The following ANKRD28 variants were observed in gnomAD, a reference collection of about 807,000 sequenced individuals.
ANKRD28 encodes the protein ankyrin repeat domain 28.
Under a neutral mutation model 126.5 loss-of-function variants are expected in ANKRD28, and 44 were observed. The ratio of observed to expected loss-of-function variants is 0.35; its 90% CI spans 0.27 to 0.45. The LOEUF is 0.45. Among genes scored for constraint, ANKRD28 ranks in the 20% least tolerant of loss-of-function variants. The pLI, the probability that ANKRD28 is intolerant of heterozygous loss-of-function variation, is 1.00. For missense variants in ANKRD28, 1,110 were observed against 1,316.6 expected (o/e 0.84, Z 2.43); for synonymous variants, 442 against 468.5 (o/e 0.94, Z 0.73).
chr3:15,831,208 C>T (rs1335075035), intron 1 of ANKRD28, among the ~76,000 whole-genome samples: 1 of 152,138 alleles, frequency 6.6e-6, no homozygotes, highest in Admixed American at 6.5e-5. Context: ...CACAATCTCC[C>T]ACAAACTAAA....
In ANKRD28 at chr3:15,855,251, G is replaced by A. The variant is rs142366499; in HGVS notation, c.27+4126C>T. Reference sequence around the variant, plus strand: ...TCTTAGTGTGTACTTGATCAAATAAGAACTTATTAACTATCCAAAATAGTG... The same window carrying A: ...TCTTAGTGTGTACTTGATCAAATAAAAACTTATTAACTATCCAAAATAGTG... On this transcript the variant is annotated intron_variant, in intron 1 of 27. Coordinates refer to the ANKRD28 transcript ENST00000399451. Among the ~76,000 whole-genome samples the A allele has an allele frequency of 4.4e-3, 672 of 151,806 alleles. 3 individuals carry two copies. The highest frequency in any genetic ancestry group is 0.017 in the Middle Eastern group (5 of 294).
intron 27 of ANKRD28, among the ~76,000 whole-genome samples, chr3:15,671,144 A>C (rs1295909649): frequency 6.6e-6 from 1 of 152,208 alleles, no homozygotes; most frequent in Admixed American, 6.5e-5. Flanking sequence ...CAGTAGACAA[A>C]CTAAGCAGAT....
chr3:15,811,261 C>T (rs943491122), intron 1 of ANKRD28, among the ~76,000 whole-genome samples: 6 of 152,024 alleles, frequency 3.9e-5, no homozygotes, highest in African/African-American at 1.4e-4. Flanking sequence ...ATTAAGATCT[C>T]CATAATCTGT....
At chr3:15,723,796 C>A (rs1480432700) in intron 7 of ANKRD28, among the ~76,000 whole-genome samples, 1 of 151,972 alleles carries the variant, frequency 6.6e-6, no homozygotes, top group Non-Finnish European at 1.5e-5. Flanking sequence ...AATAAATAAA[C>A]AAGGGAGTAA....
chr3:15,806,182 G>A (rs1402002680), intron 1 of ANKRD28, among the ~76,000 whole-genome samples: 1 of 152,124 alleles, frequency 6.6e-6, no homozygotes, highest in Non-Finnish European at 1.5e-5. Context: ...TCACGCCTTC[G>A]ATAAACTTTT....
rs2057343766 is a variant in ANKRD28 at position 15,744,493 on chromosome 3, T to G, written c.351+7257A>C. Among the ~76,000 whole-genome samples, 5 of 143,238 alleles carry G rather than the reference T, an allele frequency of 3.5e-5. No homozygotes were observed. The South Asian group carries it at 1.1e-3, about 32-fold the overall frequency. The allele number at this position is 143,238 out of a possible 152,430, so 94.0% of individuals were successfully genotyped here. A position where few individuals can be genotyped will look rare whatever the true frequency, so the allele number is the denominator to read the frequency against. ...CCTGGCTTTTTTTTTTTTTTTGTACTTTTCATAGAGATGGGGTTTCACCAT... is the reference window on the plus strand; with the variant it reads ...CCTGGCTTTTTTTTTTTTTTTGTACGTTTCATAGAGATGGGGTTTCACCAT... On this transcript the variant is annotated intron_variant, in intron 4 of 27. Coordinates refer to ENST00000683139, the MANE Select transcript of ANKRD28 (RefSeq NM_001349278.2).
chr3:15,837,109 A>AC (rs912168240), intron 1 of ANKRD28, among the ~76,000 whole-genome samples: 7 of 151,716 alleles, frequency 4.6e-5, no homozygotes, highest in Non-Finnish European at 4.4e-5. Flanking sequence ...CAAAAAAAAA[A>AC]AAAAAACCAT....
chr3:15,706,654 T>A (rs6808843), intron 14 of ANKRD28, among the ~76,000 whole-genome samples: 2 of 151,984 alleles, frequency 1.3e-5, no homozygotes, highest in South Asian at 2.1e-4. Context: ...AGATCCTTGA[T>A]GAATCGCCAC....
At chr3:15,851,923 A>G (rs1028504992) in intron 1 of ANKRD28, among the ~76,000 whole-genome samples, 3 of 152,242 alleles carry the variant, frequency 2.0e-5, no homozygotes, top group Admixed American at 1.3e-4. Context: ...ATATCCATAC[A>G]ATGGAATATT....
At chr3:15,789,734 CTA>C (rs1162947108) in intron 2 of ANKRD28, among the ~76,000 whole-genome samples, 1 of 151,962 alleles carries the variant, frequency 6.6e-6, no homozygotes, top group Non-Finnish European at 1.5e-5. Context: ...GCTAGTGAAA[CTA>C]TGTTACATGA....
chr3:15,815,434 C>A lies in ANKRD28; in HGVS notation c.28-20128G>T, dbSNP rs1480989045. Among the ~76,000 whole-genome samples the A allele has an allele frequency of 6.6e-6, 1 of 152,110 alleles. No homozygotes were observed. Among genetic ancestry groups the A allele is most frequent in the Non-Finnish European group, 1.5e-5 (1 of 68,016 alleles). ...ACCTCAGCCTCCTCAGTAGCTGCGA[C>A]CACAGGCATGCATAACCTCACCCAG... On this transcript the variant is annotated intron_variant, in intron 1 of 27. Transcript: ENST00000399451. The surrounding 1 kb of genome is among the most constrained non-coding windows in gnomAD (Gnocchi z 4.1).
intron 26 of ANKRD28, 45 bp from the exon 27 acceptor site, chr3:15,676,034 T>C: frequency 6.6e-7 from 1 of 1,524,502 alleles, no homozygotes; most frequent in South Asian, 1.2e-5. Flanking sequence ...TGCATGTGCA[T>C]GCACATACAC....
At chr3:15,751,334 A>C (rs555542727) in intron 4 of ANKRD28, among the ~76,000 whole-genome samples, 1 of 152,306 alleles carries the variant, frequency 6.6e-6, no homozygotes, top group South Asian at 2.1e-4. Context: ...TGTGCAATCA[A>C]GTAATGGTTT....
chr3:15,759,737 G>A (rs572518025), intron 3 of ANKRD28, among the ~76,000 whole-genome samples: 2 of 152,302 alleles, frequency 1.3e-5, no homozygotes, highest in East Asian at 3.9e-4. Context: ...ACAGTGAAAT[G>A]TGTACCAAAC....
At chr3:15,828,263 C>T (rs185615628) in intron 1 of ANKRD28, among the ~76,000 whole-genome samples, 1 of 152,092 alleles carries the variant, frequency 6.6e-6, no homozygotes, top group Admixed American at 6.5e-5. Context: ...TCAAAACAGG[C>T]GAATGATTAT....
Position 15,838,352 on chromosome 3 carries a change from C to T in ANKRD28, c.27+21025G>A, listed in dbSNP as rs1211354835. 6.6e-6 allele frequency among the ~76,000 whole-genome samples: 1 copy of T among 152,066 alleles called. No homozygotes were observed. ...TTAATCCTAACAAAATATCAGCAAA[C>T]CAAATCCAGCAGCATACAATAGGAA... On this transcript the variant is annotated intron_variant, in intron 1 of 27. Coordinates refer to the ANKRD28 transcript ENST00000399451. The surrounding 1 kb of genome is among the most constrained non-coding windows in gnomAD (Gnocchi z 4.0).
intron 12 of ANKRD28, 73 bp downstream of exon 12, chr3:15,711,138 A>G (rs1575313757): frequency 7.7e-7 from 1 of 1,301,156 alleles, no homozygotes; most frequent in East Asian, 2.4e-5. Flanking sequence ...TTAATAAAAA[A>G]GAACAAAGAT....
intron 1 of ANKRD28, among the ~76,000 whole-genome samples, chr3:15,807,786 T>C (rs2060617857): frequency 6.6e-6 from 1 of 152,220 alleles, no homozygotes; most frequent in South Asian, 2.1e-4. Flanking sequence ...ACTGTCACTG[T>C]GAAGACAATT....
intron 4 of ANKRD28, among the ~76,000 whole-genome samples, chr3:15,746,487 T>C (rs2057483743): frequency 6.6e-6 from 1 of 152,226 alleles, no homozygotes; most frequent in South Asian, 2.1e-4. Context: ...TTGTTTTTAA[T>C]TCTGTTTATG....
Sources: allele counts gnomAD v4.1 joint callset (sites outside exome capture counted in the v4.1 genomes callset), GRCh38; gene constraint gnomAD v4.1.1; non-coding constraint Gnocchi (gnomAD v3.1); transcripts MANE v1.5; gene names NCBI Gene and HGNC (gene_info 2026-07-23, HGNC 2026-07-21).